The following LRRC4C variants were observed in gnomAD, a reference collection of about 807,000 sequenced individuals.
LRRC4C encodes leucine rich repeat containing 4C, also known as leucine-rich repeat-containing protein 4C.
In LRRC4C, 5 loss-of-function variants were observed where a neutral mutation model predicts 33.6. The observed-to-expected ratio is 0.15, with a 90% CI of 0.08 to 0.31. The LOEUF (loss-of-function observed/expected upper bound fraction) is 0.31, where lower values mean the gene tolerates loss of function less well. Among genes scored for constraint, LRRC4C ranks in the 10% least tolerant of loss-of-function variants. The probability of loss-of-function intolerance (pLI) is 1.00; values close to 1 mark genes in which losing one functional copy is unlikely to be tolerated. For missense variants in LRRC4C, 560 were observed against 796.7 expected, an observed-to-expected ratio of 0.70 and a Z score of 3.58; for synonymous variants, 329 against 302.0, an observed-to-expected ratio of 1.09 and a Z score of -0.93.
intron 1 of LRRC4C, among the ~76,000 whole-genome samples, chr11:41,456,773 A>G (rs1415431255): frequency 1.3e-5 from 2 of 152,166 alleles, no homozygotes; most frequent in Non-Finnish European, 2.9e-5. Flanking sequence ...AAACCCTGGT[A>G]AACGTCAAAA....
At chr11:41,063,489 C>G (rs1389183478) in intron 1 of LRRC4C, among the ~76,000 whole-genome samples, 1 of 152,012 alleles carries the variant, frequency 6.6e-6, no homozygotes, top group Non-Finnish European at 1.5e-5. Context: ...AGAGAAGGCA[C>G]TATAGATAGA....
At chr11:41,321,535 C>T (rs896564605) in intron 1 of LRRC4C, among the ~76,000 whole-genome samples, 1 of 152,180 alleles carries the variant, frequency 6.6e-6, no homozygotes, top group South Asian at 2.1e-4. Flanking sequence ...CAATCTTCAA[C>T]TTCCCTTGGG....
At chr11:41,077,025 C>A (rs918435282) in intron 1 of LRRC4C, among the ~76,000 whole-genome samples, 1 of 152,290 alleles carries the variant, frequency 6.6e-6, no homozygotes, top group African/African-American at 2.4e-5. Flanking sequence ...CAATAATCTC[C>A]TTTGATTCCA....
At chr11:40,217,518 T>A (rs993676570) in intron 5 of LRRC4C, among the ~76,000 whole-genome samples, 13 of 152,084 alleles carry the variant, frequency 8.5e-5, no homozygotes, top group Non-Finnish European at 1.9e-4. Flanking sequence ...CATTTCTGCA[T>A]CTCCTTAATT....
At chr11:40,170,353 A>T (rs181931063) in intron 5 of LRRC4C, among the ~76,000 whole-genome samples, 35 of 152,360 alleles carry the variant, frequency 2.3e-4, no homozygotes, top group African/African-American at 8.4e-4. Context: ...GCATCCAAGG[A>T]GGTCCTGTAA....
At chr11:41,088,398 G>A (rs960478695) in intron 1 of LRRC4C, among the ~76,000 whole-genome samples, 1 of 152,034 alleles carries the variant, frequency 6.6e-6, no homozygotes, top group Non-Finnish European at 1.5e-5. Flanking sequence ...ATGACATGCT[G>A]TGGCAAATAT....
intron 1 of LRRC4C, among the ~76,000 whole-genome samples, chr11:40,964,286 A>T (rs1171080605): frequency 6.6e-6 from 1 of 151,808 alleles, no homozygotes; most frequent in Admixed American, 6.6e-5. Context: ...TGGCAGAAAA[A>T]AACCCAAGTC....
At chr11:40,942,353 G>A (rs1486128315) in intron 1 of LRRC4C, among the ~76,000 whole-genome samples, 1 of 152,176 alleles carries the variant, frequency 6.6e-6, no homozygotes, top group Non-Finnish European at 1.5e-5. Context: ...TACTTTCATT[G>A]TAGTGGTCAT....
intron 3 of LRRC4C, among the ~76,000 whole-genome samples, chr11:40,375,462 C>T (rs1386397763): frequency 1.3e-5 from 2 of 152,048 alleles, no homozygotes; most frequent in African/African-American, 4.8e-5. Flanking sequence ...ACAAAATGAG[C>T]TTAATAACTT....
At chr11:40,319,084 T>C (rs1945717070) in intron 4 of LRRC4C, among the ~76,000 whole-genome samples, 2 of 152,166 alleles carry the variant, frequency 1.3e-5, no homozygotes. Context: ...GATCCTTCAG[T>C]GGTAACAGAA....
intron 1 of LRRC4C, among the ~76,000 whole-genome samples, chr11:41,313,921 CATCTATTCAAATAAA>C (rs1950711474): frequency 6.6e-6 from 1 of 152,058 alleles, no homozygotes; most frequent in African/African-American, 2.4e-5. Context: ...AGTATCCATT[CATCTATTCAAATAAA>C]AATGTTGTTT....
intron 1 of LRRC4C, among the ~76,000 whole-genome samples, chr11:41,175,624 G>T (rs1945164920): frequency 6.6e-6 from 1 of 152,034 alleles, no homozygotes; most frequent in Non-Finnish European, 1.5e-5. Context: ...AACTTCAAGA[G>T]GGTGGATAAA....
At chr11:40,987,634 T>TATATATG in intron 1 of LRRC4C, among the ~76,000 whole-genome samples, 1 of 83,858 alleles carries the variant, frequency 1.2e-5, no homozygotes, top group Admixed American at 1.4e-4. Context: ...GGTAATGATA[T>TATATATG]ATATATATAT....
At chr11:40,634,692 C>T (rs529710355) in intron 3 of LRRC4C, among the ~76,000 whole-genome samples, 3 of 150,682 alleles carry the variant, frequency 2.0e-5, no homozygotes, top group South Asian at 4.2e-4. Context: ...AAATATAGTG[C>T]GGCCTATTTC....
intron 2 of LRRC4C, among the ~76,000 whole-genome samples, chr11:40,684,635 A>C (rs1467450911): frequency 6.6e-6 from 1 of 152,026 alleles, no homozygotes. Context: ...AAAAAAAGTA[A>C]AAATAATACA....
chr11:41,279,381 A>AACACACACACACACAC (rs575973002), intron 1 of LRRC4C, among the ~76,000 whole-genome samples: 3 of 126,380 alleles, frequency 2.4e-5, no homozygotes, highest in South Asian at 2.7e-4. Context: ...CACACACACA[A>AACACACACACACACAC]ACACACACAC....
In LRRC4C at chr11:41,408,560, T is replaced by C. The variant is rs1348822962; in HGVS notation, c.-496+50871A>G. On this transcript the variant is annotated intron_variant, in intron 1 of 6. Transcript: ENST00000528697. Reference sequence around the variant, plus strand: ...ACTGTACCAATGTTTGAGAGTTAAGTATCTGCCAGGATACCTAACCCTCTT... The same window carrying C: ...ACTGTACCAATGTTTGAGAGTTAAGCATCTGCCAGGATACCTAACCCTCTT... 3.3e-5 allele frequency among the ~76,000 whole-genome samples: 5 copies of C among 152,104 alleles called. No homozygotes were observed. The East Asian group carries it at 7.7e-4, about 24-fold the overall frequency.
At chr11:40,196,190 G>A (rs555915362) in intron 5 of LRRC4C, among the ~76,000 whole-genome samples, 1 of 152,268 alleles carries the variant, frequency 6.6e-6, no homozygotes, top group South Asian at 2.1e-4. Flanking sequence ...TAATAGAGAA[G>A]GCTTAGGAAT....
intron 3 of LRRC4C, among the ~76,000 whole-genome samples, chr11:40,525,088 G>A (rs1955985901): frequency 6.6e-6 from 1 of 152,094 alleles, no homozygotes; most frequent in South Asian, 2.1e-4. Context: ...AGGGCTCATG[G>A]AAAGGGATAA....
Sources: allele counts gnomAD v4.1 joint callset (sites outside exome capture counted in the v4.1 genomes callset), GRCh38; gene constraint gnomAD v4.1.1; transcripts MANE v1.5; gene names NCBI Gene and HGNC (gene_info 2026-07-23, HGNC 2026-07-21).